Variants in HMBOX1 observed in about 807,000 individuals in gnomAD.
The protein encoded by HMBOX1 is homeobox containing 1.
Under a neutral mutation model 54.5 loss-of-function variants are expected in HMBOX1, and 14 were observed. The observed-to-expected ratio is 0.26, with a 90% CI of 0.17 to 0.40. The LOEUF (loss-of-function observed/expected upper bound fraction) is 0.40, where lower values mean the gene tolerates loss of function less well. Ranked by LOEUF, HMBOX1 falls within the 10% of genes least tolerant of loss-of-function variation. The pLI is 1.00. For synonymous variants in HMBOX1, 160 were observed against 181.0 expected, an observed-to-expected ratio of 0.88 and a Z score of 0.93; for missense variants, 332 against 514.4, an observed-to-expected ratio of 0.65 and a Z score of 3.43.
intron 1 of HMBOX1, among the ~76,000 whole-genome samples, chr8:28,911,844 A>G (rs1011194775): frequency 5.3e-5 from 8 of 152,162 alleles, no homozygotes; most frequent in African/African-American, 1.4e-4. Context: ...GAACCAGCCC[A>G]CTGCAGATAC....
chr8:29,017,376 C>A (rs1835187873), intron 5 of HMBOX1, among the ~76,000 whole-genome samples: 1 of 152,138 alleles, frequency 6.6e-6, no homozygotes, highest in South Asian at 2.1e-4. Context: ...CAGGACTGGC[C>A]CAGATTCAAG....
intron 6 of HMBOX1, among the ~76,000 whole-genome samples, chr8:29,044,453 G>C (rs1433784422): frequency 6.6e-6 from 1 of 152,030 alleles, no homozygotes; most frequent in East Asian, 1.9e-4. Context: ...TCTAAGGATG[G>C]GTTCAGTAAA....
chr8:29,016,249 T>C (rs1329058067), intron 5 of HMBOX1, among the ~76,000 whole-genome samples: 3 of 152,184 alleles, frequency 2.0e-5, no homozygotes, highest in Non-Finnish European at 2.9e-5. Context: ...TGCTATGATT[T>C]CTCTGCACCC....
chr8:29,009,319 CTT>C lies in HMBOX1; in HGVS notation c.697+138_697+139del, dbSNP rs1833899924. On this transcript the variant is annotated intron_variant, in intron 5 of 9. Coordinates refer to ENST00000287701, the MANE Select transcript of HMBOX1 (RefSeq NM_001135726.3). ...TGGTTGCTTTATGCAGAAAAAGACTCTTAACAGTAAAAGCTAAACCCTGACTG... is the reference window on the plus strand; with the variant it reads ...TGGTTGCTTTATGCAGAAAAAGACTCAACAGTAAAAGCTAAACCCTGACTG... The C allele has an allele frequency of 7.7e-6, 8 of 1,042,578 alleles. No individual in the cohort carries two copies. The Admixed American group carries it at 8.7e-5, about 11-fold the overall frequency. 64.6% of individuals were successfully genotyped at this position (1,042,578 alleles called of 1,614,324 possible).
intron 4 of HMBOX1, among the ~76,000 whole-genome samples, chr8:28,995,073 A>C (rs1342248024): frequency 2.6e-5 from 4 of 152,192 alleles, no homozygotes; most frequent in African/African-American, 7.2e-5. Flanking sequence ...GTCAAATAAG[A>C]ATTCTGGATC....
intron 6 of HMBOX1, among the ~76,000 whole-genome samples, chr8:29,032,405 A>AG (rs1361274917): frequency 6.6e-6 from 1 of 152,138 alleles, no homozygotes; most frequent in East Asian, 1.9e-4. Flanking sequence ...TCCTTTCTAC[A>AG]TGATCAAGGA....
intron 6 of HMBOX1, among the ~76,000 whole-genome samples, chr8:29,032,691 A>G (rs1043863614): frequency 3.9e-5 from 6 of 152,180 alleles, no homozygotes; most frequent in African/African-American, 1.4e-4. Flanking sequence ...GGGTTTGGTT[A>G]TACTCGGCTG....
intron 1 of HMBOX1, among the ~76,000 whole-genome samples, chr8:28,947,011 G>T (rs1032481110): frequency 3.3e-5 from 5 of 152,110 alleles, no homozygotes; most frequent in Admixed American, 1.3e-4. Context: ...TTGTCATTTT[G>T]GAGTAGAATA....
At chr8:29,037,640 C>T (rs570183792) in intron 6 of HMBOX1, among the ~76,000 whole-genome samples, 1 of 152,232 alleles carries the variant, frequency 6.6e-6, no homozygotes, top group Admixed American at 6.5e-5. Flanking sequence ...TTTATACTTT[C>T]TCACTTATAT....
chr8:28,969,624 CTA>C (rs1263516618), intron 2 of HMBOX1, among the ~76,000 whole-genome samples: 12 of 152,112 alleles, frequency 7.9e-5, no homozygotes, highest in African/African-American at 2.4e-4. Flanking sequence ...ATAATACAAA[CTA>C]TTTTTTTCAG....
intron 2 of HMBOX1, among the ~76,000 whole-genome samples, chr8:28,969,090 T>C (rs1826949533): frequency 6.6e-6 from 1 of 152,078 alleles, no homozygotes; most frequent in Non-Finnish European, 1.5e-5. Flanking sequence ...GGAGAATCGC[T>C]TGCACCCAGG....
At chr8:28,980,035 A>G (rs1428906957) in intron 3 of HMBOX1, 36 bp from the exon 4 acceptor site, 3 of 1,434,238 alleles carry the variant, frequency 2.1e-6, no homozygotes, top group Non-Finnish European at 3.0e-6. Flanking sequence ...TCTACCTTCA[A>G]CATACATTGT....
rs74357483 is a variant in HMBOX1, at chr8:28,903,124, T to C, written c.-58+12446T>C. Among the ~76,000 whole-genome samples the C allele has an allele frequency of 9.4e-3, 1,419 of 151,500 alleles. 19 individuals are homozygous for C. Among genetic ancestry groups the C allele is most frequent in the East Asian group, 0.055 (285 of 5,168 alleles). On this transcript the variant is annotated intron_variant, in intron 1 of 9. Transcript: ENST00000287701. ...TTTCTTTTACACACACACACACACA[T>C]ACATTTAAGCTTTCTTTTACACACA...
At chr8:28,985,374 A>G (rs1349426681) in intron 4 of HMBOX1, among the ~76,000 whole-genome samples, 1 of 151,996 alleles carries the variant, frequency 6.6e-6, no homozygotes, top group Non-Finnish European at 1.5e-5. Context: ...TCACCTAATC[A>G]CCTCCCAAAG....
intron 5 of HMBOX1, among the ~76,000 whole-genome samples, chr8:29,013,087 C>A (rs1834417099): frequency 6.6e-6 from 1 of 152,134 alleles, no homozygotes; most frequent in African/African-American, 2.4e-5. Context: ...TATTCTATGA[C>A]TCTATTCCTG....
chr8:29,034,593 C>CTT (rs1165972519), intron 6 of HMBOX1, among the ~76,000 whole-genome samples: 1 of 152,218 alleles, frequency 6.6e-6, no homozygotes, highest in East Asian at 1.9e-4. Flanking sequence ...CACGGTGGCT[C>CTT]ACACCTGTAT....
At position 28,992,647 on chromosome 8, in the gene HMBOX1, G is replaced by T. The variant is rs1197304378; in HGVS notation, c.586+12491G>T. On this transcript the variant is annotated intron_variant, in intron 4 of 9. Coordinates refer to ENST00000287701, the MANE Select transcript of HMBOX1 (RefSeq NM_001135726.3). ...GCACTCTGGGAATCCGAGTGGGGTG[G>T]ATCACGAGGTCAGGAGTTCAAGACG... Among the ~76,000 whole-genome samples, 3 of 152,060 alleles carry T rather than the reference G, an allele frequency of 2.0e-5. No homozygotes were observed. The East Asian group carries it at 5.8e-4, about 29-fold the overall frequency.
intron 1 of HMBOX1, among the ~76,000 whole-genome samples, chr8:28,931,353 G>A (rs1390404980): frequency 6.6e-6 from 1 of 152,152 alleles, no homozygotes; most frequent in Non-Finnish European, 1.5e-5. Flanking sequence ...GCGTAGTCCT[G>A]GTCTGTAGCA....
In HMBOX1 at chr8:29,018,776, G is replaced by A. The variant is rs764079365; in HGVS notation, c.714G>A (p.Met238Ile). ...EKTNPGATLS[M>I]RPAPIPIEDP... ...TTATTTCAGGCGCTACACTAAGTATGAGACCAGCCCCCATTCCAATAGAGG... is the reference window on the plus strand; with the variant it reads ...TTATTTCAGGCGCTACACTAAGTATAAGACCAGCCCCCATTCCAATAGAGG... Residue 238 changes from methionine (M) to isoleucine (I), a missense_variant, in exon 6 of 10, where the codon ATG becomes ATA. Met to Ile is a conservative substitution (Grantham distance 10). This residue lies in a region of HMBOX1 where 117 missense variants were observed against 220.0 expected (regional missense o/e 0.53). Coordinates refer to ENST00000287701, the MANE Select transcript of HMBOX1 (RefSeq NM_001135726.3). 1 of 1,614,052 alleles carries A rather than the reference G, an allele frequency of 6.2e-7. No homozygotes were observed. Among genetic ancestry groups the A allele is most frequent in the Non-Finnish European group, 8.5e-7 (1 of 1,179,940 alleles).
Sources: gnomAD v4.1 joint callset for allele counts (sites outside exome capture counted in the v4.1 genomes callset) on GRCh38, gnomAD v4.1.1 for gene constraint, gnomAD v4.1.1 regional missense constraint, MANE v1.5 for transcripts, NCBI Gene and HGNC (gene_info 2026-07-23, HGNC 2026-07-21) for gene names.